Variants in DYNC1LI2 observed in about 807,000 individuals in gnomAD.
DYNC1LI2 encodes the protein dynein cytoplasmic 1 light intermediate chain 2, also known as cytoplasmic dynein 1 light intermediate chain 2.
A neutral mutation model predicts 57.8 loss-of-function variants in DYNC1LI2; 19 were observed. That is an observed-to-expected ratio of 0.33 (90% CI 0.23 to 0.48). The LOEUF is 0.48. Among genes scored for constraint, DYNC1LI2 ranks in the 20% least tolerant of loss-of-function variants. The probability of loss-of-function intolerance (pLI) is 0.99; values close to 1 mark genes in which losing one functional copy is unlikely to be tolerated. For synonymous variants in DYNC1LI2, 256 were observed against 233.4 expected, an observed-to-expected ratio of 1.10 and a Z score of -0.88; for missense variants, 470 against 604.2, an observed-to-expected ratio of 0.78 and a Z score of 2.33.
At position 66,741,384 on chromosome 16, in the gene DYNC1LI2, T is replaced by C. The variant is rs1325402361; in HGVS notation, c.529+1054A>G. On this transcript the variant is annotated intron_variant, in intron 4 of 12. Coordinates refer to ENST00000258198, the MANE Select transcript of DYNC1LI2 (RefSeq NM_006141.3). ...GAGCTGAGCTGCATAACAATCACAG[T>C]AGCACACATGCGGGTGACCAGGGAA... Among the ~76,000 whole-genome samples the C allele has an allele frequency of 2.0e-5, 3 of 152,304 alleles. No homozygotes were observed. In the East Asian group the frequency reaches 5.8e-4, roughly 29 times the overall value.
chr16:66,741,897 C>CA (rs66527903), intron 4 of DYNC1LI2, among the ~76,000 whole-genome samples: 1,399 of 106,780 alleles, frequency 0.013, 20 homozygotes, highest in African/African-American at 0.033. Flanking sequence ...ATGTTAATTA[C>CA]AAAAAAAAAA....
In DYNC1LI2 at chr16:66,721,647, C is replaced by T. The variant is rs965100631; in HGVS notation, c.*2075G>A. 4 of 152,734 alleles carry T rather than the reference C, an allele frequency of 2.6e-5. No homozygotes were observed. Among genetic ancestry groups the T allele is most frequent in the African/African-American group, 9.6e-5 (4 of 41,568 alleles). 9.5% of individuals were successfully genotyped at this position (152,734 alleles called of 1,614,324 possible). A position where few individuals can be genotyped will look rare whatever the true frequency, so the allele number is the denominator to read the frequency against. On this transcript the variant is annotated 3_prime_UTR_variant, in exon 13 of 13. Coordinates refer to ENST00000258198, the MANE Select transcript of DYNC1LI2 (RefSeq NM_006141.3). ...CTTCTGATACTAGGAGCTTCCACTT[C>T]TCATGAGTAAATAAAAGTGGTCTCC...
intron 4 of DYNC1LI2, among the ~76,000 whole-genome samples, chr16:66,737,102 A>T (rs2017747614): frequency 6.6e-6 from 1 of 152,046 alleles, no homozygotes; most frequent in African/African-American, 2.4e-5. Context: ...GCAAAACCCC[A>T]TCTGTACTAA....
intron 3 of DYNC1LI2, among the ~76,000 whole-genome samples, chr16:66,745,579 A>T (rs2017921122): frequency 6.7e-6 from 1 of 149,036 alleles, no homozygotes; most frequent in South Asian, 2.2e-4. Flanking sequence ...CGCCCGGCCT[A>T]TTAGCTTCTT....
intron 3 of DYNC1LI2, among the ~76,000 whole-genome samples, chr16:66,748,569 A>C (rs4997312): frequency 1.3e-5 from 1 of 76,862 alleles, no homozygotes; most frequent in Non-Finnish European, 3.4e-5. Context: ...CATTTCTTTC[A>C]TTCTTTCTTT....
intron 8 of DYNC1LI2, among the ~76,000 whole-genome samples, chr16:66,729,433 C>T (rs1438087734): frequency 6.6e-6 from 1 of 152,134 alleles, no homozygotes; most frequent in Admixed American, 6.6e-5. Flanking sequence ...GGTGAGCATT[C>T]CATCACTCCT....
intron 7 of DYNC1LI2, 64 bp downstream of exon 7, chr16:66,732,275 A>C (rs1441566070): frequency 3.8e-6 from 6 of 1,578,356 alleles, no homozygotes; most frequent in Non-Finnish European, 5.1e-6. Flanking sequence ...TGAAGGGGTA[A>C]AATGTAAAAA....
rs1258394304 is a variant in DYNC1LI2, at chr16:66,729,175, A to C, written c.1042-76T>G. Reference sequence around the variant, plus strand: ...CACTGTCAAACTTCATGCCGAAAGGAGAGTCCGAGGCTCAGGCTTCAACAC... The same window carrying C: ...CACTGTCAAACTTCATGCCGAAAGGCGAGTCCGAGGCTCAGGCTTCAACAC... On this transcript the variant is annotated intron_variant, in intron 8 of 12. Coordinates refer to ENST00000258198, the MANE Select transcript of DYNC1LI2 (RefSeq NM_006141.3). The C allele has an allele frequency of 5.9e-6, 9 of 1,529,970 alleles. No individual in the cohort carries two copies. The Admixed American group carries it at 1.2e-4, about 20-fold the overall frequency. The allele number at this position is 1,529,970 out of a possible 1,614,324, so 94.8% of individuals were successfully genotyped here.
chr16:66,750,636 T>C (rs1396273564), intron 2 of DYNC1LI2, among the ~76,000 whole-genome samples: 1 of 152,188 alleles, frequency 6.6e-6, no homozygotes, highest in Non-Finnish European at 1.5e-5. Flanking sequence ...CTGAGATTCT[T>C]CTATAGTGTT....
At chr16:66,745,385 C>G (rs543346597) in intron 3 of DYNC1LI2, among the ~76,000 whole-genome samples, 1 of 151,956 alleles carries the variant, frequency 6.6e-6, no homozygotes, top group Non-Finnish European at 1.5e-5. Flanking sequence ...TTCAGGCGAT[C>G]CTCATGCCTC....
Position 66,721,711 on chromosome 16 carries a change from T to G in DYNC1LI2, c.*2011A>C, listed in dbSNP as rs2017453101. On this transcript the variant is annotated 3_prime_UTR_variant, in exon 13 of 13. Coordinates refer to ENST00000258198, the MANE Select transcript of DYNC1LI2 (RefSeq NM_006141.3). Reference sequence around the variant, plus strand: ...TCACAAGACATGTCTTAGCATTTCATCAGTTTTAGTATATTTTATATTGAC... The same window carrying G: ...TCACAAGACATGTCTTAGCATTTCAGCAGTTTTAGTATATTTTATATTGAC... 1.3e-5 allele frequency: 2 copies of G among 152,672 alleles called. No individual in the cohort carries two copies. Among genetic ancestry groups the G allele is most frequent in the African/African-American group, 2.4e-5 (1 of 41,458 alleles). 9.5% of individuals were successfully genotyped at this position (152,672 alleles called of 1,614,324 possible). A position where few individuals can be genotyped will look rare whatever the true frequency, so the allele number is the denominator to read the frequency against.
intron 11 of DYNC1LI2, among the ~76,000 whole-genome samples, chr16:66,726,912 C>T (rs936023426): frequency 4.6e-5 from 7 of 151,816 alleles, no homozygotes; most frequent in Non-Finnish European, 7.4e-5. Flanking sequence ...GCTTGAGTCA[C>T]CACGCCAGGC....
At chr16:66,728,046 T>C in intron 10 of DYNC1LI2, 155 bp downstream of exon 10, 1 of 1,079,632 alleles carries the variant, frequency 9.3e-7, no homozygotes, top group Non-Finnish European at 1.3e-6. Context: ...TTCTTGAGTT[T>C]CTTTTATGTT....
chr16:66,747,818 G>A (rs565599929), intron 3 of DYNC1LI2, among the ~76,000 whole-genome samples: 64 of 151,952 alleles, frequency 4.2e-4, no homozygotes, highest in African/African-American at 1.3e-3. Context: ...TGATCCACCC[G>A]CCTCAGCCAC....
intron 11 of DYNC1LI2, among the ~76,000 whole-genome samples, 164 bp downstream of exon 11, chr16:66,727,521 CCTT>C (rs2017557416): frequency 6.6e-6 from 1 of 152,156 alleles, no homozygotes; most frequent in African/African-American, 2.4e-5. Context: ...CTACCATGGA[CCTT>C]CTTCCTCTGG....
chr16:66,744,055 G>T (rs931073831), intron 3 of DYNC1LI2, among the ~76,000 whole-genome samples: 5 of 152,076 alleles, frequency 3.3e-5, no homozygotes, highest in African/African-American at 1.2e-4. Context: ...AATTGATCAA[G>T]AACTGGTTAT....
At chr16:66,732,199 A>C in intron 7 of DYNC1LI2, 140 bp downstream of exon 7, 1 of 1,093,948 alleles carries the variant, frequency 9.1e-7, no homozygotes, top group Non-Finnish European at 1.3e-6. Context: ...ATAATCCGGA[A>C]AGGAACAGAG....
At chr16:66,737,078 G>C (rs1434582742) in intron 4 of DYNC1LI2, among the ~76,000 whole-genome samples, 1 of 152,178 alleles carries the variant, frequency 6.6e-6, no homozygotes, top group African/African-American at 2.4e-5. Context: ...TTTGAGACCA[G>C]CCTGGCCAAC....
Position 66,751,159 on chromosome 16 carries a change from T to C in DYNC1LI2, c.181+114A>G. 7.9e-7 allele frequency: 1 copy of C among 1,271,774 alleles called. No individual in the cohort carries two copies. Among genetic ancestry groups the C allele is most frequent in the South Asian group, 1.5e-5 (1 of 68,614 alleles). 78.8% of individuals were successfully genotyped at this position (1,271,774 alleles called of 1,614,324 possible). On this transcript the variant is annotated intron_variant, in intron 2 of 12. Transcript: ENST00000258198. This position sits in a 1 kb window ranked among gnomAD's most constrained non-coding sequence, Gnocchi z 5.2. Reference sequence around the variant, plus strand: ...TGACCGGCCAGGGCCGACGGTCCCTTTCCCGCCAGGCTGCGGGCAGGCGGC... The same window carrying C: ...TGACCGGCCAGGGCCGACGGTCCCTCTCCCGCCAGGCTGCGGGCAGGCGGC...
Sources: allele counts gnomAD v4.1 joint callset (sites outside exome capture counted in the v4.1 genomes callset), GRCh38; gene constraint gnomAD v4.1.1; non-coding constraint Gnocchi (gnomAD v3.1); transcripts MANE v1.5; gene names NCBI Gene and HGNC (gene_info 2026-07-23, HGNC 2026-07-21).